The following NSD1 variants were observed in gnomAD, a reference collection of about 807,000 sequenced individuals.
The protein encoded by NSD1 is histone-lysine N-methyltransferase, H3 lysine-36 specific.
Under a neutral mutation model 242.7 loss-of-function variants are expected in NSD1, and 26 were observed. The ratio of observed to expected loss-of-function variants is 0.11; its 90% confidence interval spans 0.08 to 0.15. NSD1 has a LOEUF of 0.15. Among genes scored for constraint, NSD1 ranks in the 10% least tolerant of loss-of-function variants. NSD1 has a pLI of 1.00. For missense variants in NSD1, 2,495 were observed against 3,272.8 expected (o/e 0.76, Z 5.80); for synonymous variants, 1,106 against 1,178.1 (o/e 0.94, Z 1.25).
Position 177,261,802 on chromosome 5 carries a change from GATTTT to G in NSD1, c.5146+1640_5146+1644del, listed in dbSNP as rs1232349634. ...TCTTCAGTTTTCTCATTTATTTTCA[GATTTT>G]ATTTTGTTGATTTAGTAGTTACTTG... On this transcript the variant is annotated intron_variant, in intron 14 of 22. Coordinates refer to ENST00000439151, the MANE Select transcript of NSD1 (RefSeq NM_022455.5). Among the ~76,000 whole-genome samples the G allele has an allele frequency of 2.6e-5, 4 of 152,012 alleles. No individual in the cohort carries two copies. The East Asian group carries it at 7.7e-4, about 29-fold the overall frequency.
intron 12 of NSD1, among the ~76,000 whole-genome samples, chr5:177,252,933 A>G (rs1581446982): frequency 6.6e-6 from 1 of 152,028 alleles, no homozygotes; most frequent in Non-Finnish European, 1.5e-5. Flanking sequence ...CCAAAGAAAA[A>G]GTGTCATTAG....
At chr5:177,138,884 C>G (rs1388169230) in intron 2 of NSD1, among the ~76,000 whole-genome samples, 1 of 150,806 alleles carries the variant, frequency 6.6e-6, no homozygotes, top group Non-Finnish European at 1.5e-5. Flanking sequence ...GGTGATCCAC[C>G]CGCCTCAGCC....
In NSD1 at chr5:177,185,935, A is replaced by C. The variant is rs867785942; in HGVS notation, c.928-5949A>C. ...TTATATATATTTATATATATAAATA[A>C]ATATATATAATATAGTTATATATTT... On this transcript the variant is annotated intron_variant, in intron 2 of 22. Transcript: ENST00000439151. Among the ~76,000 whole-genome samples the C allele has an allele frequency of 1.1e-4, 10 of 90,550 alleles. No individual in the cohort carries two copies. In the Admixed American group the frequency reaches 1.4e-3, roughly 13 times the overall value. The allele number at this position is 90,550 out of a possible 152,430, so 59.4% of individuals were successfully genotyped here. A position where few individuals can be genotyped will look rare whatever the true frequency, so the allele number is the denominator to read the frequency against.
At position 177,238,120 on chromosome 5, in the gene NSD1, A is replaced by T; in HGVS notation, c.3922-117A>T. The T allele has an allele frequency of 8.8e-7, 1 of 1,140,034 alleles. No homozygotes were observed. Among genetic ancestry groups the T allele is most frequent in the Middle Eastern group, 2.0e-4 (1 of 4,976 alleles). The allele number at this position is 1,140,034 out of a possible 1,614,324, so 70.6% of individuals were successfully genotyped here. ...AGCATACATAATGTCTTCAAGGTTC[A>T]TCCACTTTTTGTAGCCTTTGTCAGA... is the stretch of plus-strand genomic sequence containing the variant. On this transcript the variant is annotated intron_variant, in intron 6 of 22. Transcript: ENST00000439151. This position sits in a 1 kb window ranked among gnomAD's most constrained non-coding sequence, Gnocchi z 4.6.
rs1050626512 is a variant in NSD1, at chr5:177,135,789, T to C, written c.686T>C (p.Leu229Ser). The change falls in exon 2 of 23, where the codon TTA becomes TCA. Residue 229 changes from leucine to serine, a missense_variant. By Grantham distance (145) the Leu-to-Ser change is moderately radical. This residue lies in a region of NSD1 where 376 missense variants were observed against 367.4 expected (regional missense o/e 1.02). Transcript: ENST00000439151. ...HGAVKSPFLP[L>S]APQTETQKNK... is the part of the protein sequence containing the mutation. ...GCAGTCAAATCGCCATTCTTGCCAT[T>C]AGCTCCTCAGACTGAAACACAGAAA... 1 of 1,612,466 alleles carries C rather than the reference T, an allele frequency of 6.2e-7. No individual in the cohort carries two copies. The highest frequency in any genetic ancestry group is 8.5e-7 in the Non-Finnish European group (1 of 1,178,588).
rs1766470550 is a variant in NSD1 at position 177,248,450 on chromosome 5, C to T, written c.4641+126C>T. The T allele has an allele frequency of 9.7e-6, 12 of 1,241,614 alleles. 2 individuals are homozygous for T. In the South Asian group the frequency reaches 1.6e-4, roughly 16 times the overall value. The allele number at this position is 1,241,614 out of a possible 1,614,324, so 76.9% of individuals were successfully genotyped here. A position where few individuals can be genotyped will look rare whatever the true frequency, so the allele number is the denominator to read the frequency against. On this transcript the variant is annotated intron_variant, in intron 11 of 22. Transcript: ENST00000439151. ...CTTTTGGATGATTCCAGTGGAGTCA[C>T]TTTCTTTAAGGATTTGACCCCTTTT...
At chr5:177,180,805 C>T (rs989175028) in intron 2 of NSD1, among the ~76,000 whole-genome samples, 11 of 151,948 alleles carry the variant, frequency 7.2e-5, no homozygotes, top group Non-Finnish European at 1.5e-4. Context: ...GCCTCAGCCT[C>T]CCAAGTAGCT....
chr5:177,244,521 T>C (rs1766129390), intron 9 of NSD1, among the ~76,000 whole-genome samples: 1 of 152,204 alleles, frequency 6.6e-6, no homozygotes, highest in Non-Finnish European at 1.5e-5. Flanking sequence ...TTATTATCTA[T>C]AGTATTCCTG....
At chr5:177,164,408 C>T (rs1298561304) in intron 2 of NSD1, among the ~76,000 whole-genome samples, 1 of 151,926 alleles carries the variant, frequency 6.6e-6, no homozygotes, top group Non-Finnish European at 1.5e-5. Flanking sequence ...CCGCCTGCCT[C>T]GGCCTCCCAA....
At chr5:177,167,469 A>AAT (rs1759303145) in intron 2 of NSD1, among the ~76,000 whole-genome samples, 1 of 152,038 alleles carries the variant, frequency 6.6e-6, no homozygotes, top group Non-Finnish European at 1.5e-5. Flanking sequence ...TGGGAGGCAG[A>AAT]GGTTGCGGTG....
Position 177,202,861 on chromosome 5 carries a change from A to G in NSD1, c.1064-1259A>G, listed in dbSNP as rs145507097. Among the ~76,000 whole-genome samples the G allele has an allele frequency of 6.6e-5, 10 of 152,304 alleles. No homozygotes were observed. In the East Asian group the frequency reaches 1.3e-3, roughly 21 times the overall value. ...TTTTTTTTTTCAGTTTGTTTTTAAA[A>G]TGAACCAGACAACACAAAATTTAAC... is the stretch of plus-strand genomic sequence containing the variant. On this transcript the variant is annotated intron_variant, in intron 3 of 22. Transcript: ENST00000439151.
At chr5:177,229,320 A>G (rs1027027081) in intron 5 of NSD1, among the ~76,000 whole-genome samples, 2 of 152,110 alleles carry the variant, frequency 1.3e-5, no homozygotes, top group Non-Finnish European at 2.9e-5. Flanking sequence ...GACATTTTGT[A>G]GTTGTATAGT....
At chr5:177,188,974 C>CG (rs1039906122) in intron 2 of NSD1, among the ~76,000 whole-genome samples, 1 of 151,900 alleles carries the variant, frequency 6.6e-6, no homozygotes, top group African/African-American at 2.4e-5. Context: ...GCTCAGGAGG[C>CG]GAAGATTGCA....
At chr5:177,287,343 G>C (rs1476428539) in intron 20 of NSD1, among the ~76,000 whole-genome samples, 1 of 152,166 alleles carries the variant, frequency 6.6e-6, no homozygotes, top group Non-Finnish European at 1.5e-5. Context: ...CTTTTATTAA[G>C]AAAAAGACAG....
rs192912411 is a variant in NSD1 at position 177,176,119 on chromosome 5, A to G, written c.928-15765A>G. ...TCGAACTCCTGACCTGAAGTGATCT[A>G]CCTGCCTCGGCCTCCCAAAGTGCTG... On this transcript the variant is annotated intron_variant, in intron 2 of 22. Transcript: ENST00000439151. 6.3e-4 allele frequency among the ~76,000 whole-genome samples: 96 copies of G among 152,240 alleles called. 2 individuals are homozygous for G. The East Asian group carries it at 0.017, about 26-fold the overall frequency.
chr5:177,286,609 C>A (rs1301114484), intron 20 of NSD1, among the ~76,000 whole-genome samples: 1 of 152,216 alleles, frequency 6.6e-6, no homozygotes, highest in Non-Finnish European at 1.5e-5. Context: ...TCACACCTCT[C>A]TCATTCTTTT....
chr5:177,147,313 C>T (rs990799739), intron 2 of NSD1, among the ~76,000 whole-genome samples: 2 of 152,032 alleles, frequency 1.3e-5, no homozygotes, highest in Non-Finnish European at 2.9e-5. Flanking sequence ...TACCATGTTG[C>T]TCAAGCTCGT....
chr5:177,233,350 TGAGCTGCTGCACCCAGCCCC>T, intron 5 of NSD1, among the ~76,000 whole-genome samples: 2 of 152,036 alleles, frequency 1.3e-5, no homozygotes, highest in Non-Finnish European at 2.9e-5. Context: ...ATTACAGGCG[TGAGCTGCTGCACCCAGCCCC>T]AAGGCATAAA....
At chr5:177,275,435 CTTTTTTTTTTT>C (rs749631943) in intron 17 of NSD1, among the ~76,000 whole-genome samples, 3 of 50,146 alleles carry the variant, frequency 6.0e-5, no homozygotes, top group Non-Finnish European at 1.0e-4. Context: ...CTTCCCTTGT[CTTTTTTTTTTT>C]TTTTTTTTTT....
Sources: gnomAD v4.1 joint callset for allele counts (sites outside exome capture counted in the v4.1 genomes callset) on GRCh38, gnomAD v4.1.1 for gene constraint, gnomAD v4.1.1 regional missense constraint, Gnocchi (gnomAD v3.1) non-coding constraint, MANE v1.5 for transcripts, NCBI Gene and HGNC (gene_info 2026-07-23, HGNC 2026-07-21) for gene names.